IL20RB: variants seen among roughly 807,000 people sequenced by gnomAD.
The protein encoded by IL20RB is interleukin 20 receptor subunit beta.
In IL20RB, 21 loss-of-function variants were observed where a neutral mutation model predicts 33.3. The ratio of observed to expected loss-of-function variants is 0.63; its 90% CI spans 0.45 to 0.91. IL20RB has a LOEUF of 0.91. Among genes scored for constraint, IL20RB ranks in the 40% least tolerant of loss-of-function variants. The pLI is 0.00. For synonymous variants in IL20RB, 147 were observed against 146.8 expected (o/e 1.00, Z -0.01); for missense variants, 345 against 384.8 (o/e 0.90, Z 0.86).
chr3:136,958,806 A>G (rs1490151532), intron 1 of IL20RB, among the ~76,000 whole-genome samples: 2 of 152,192 alleles, frequency 1.3e-5, no homozygotes, highest in Non-Finnish European at 2.9e-5. Flanking sequence ...GGAACTCTGT[A>G]GCCTTTGATG....
intron 4 of IL20RB, among the ~76,000 whole-genome samples, chr3:136,990,277 A>G (rs1942005403): frequency 6.6e-6 from 1 of 152,126 alleles, no homozygotes; most frequent in Non-Finnish European, 1.5e-5. Flanking sequence ...CAGGCAGCAC[A>G]AGCAAAGATA....
chr3:136,973,989 C>T (rs868636662), intron 1 of IL20RB, among the ~76,000 whole-genome samples: 19 of 151,800 alleles, frequency 1.3e-4, no homozygotes, highest in African/African-American at 2.4e-4. Context: ...AGCATATAGT[C>T]GGAACTTTTT....
intron 3 of IL20RB, among the ~76,000 whole-genome samples, chr3:136,983,373 C>T (rs1941828264): frequency 6.6e-6 from 1 of 152,168 alleles, no homozygotes; most frequent in African/African-American, 2.4e-5. Flanking sequence ...CAGGCATGAG[C>T]CATGGCGCCC....
chr3:137,003,362 G>C (rs1407087207), intron 6 of IL20RB, among the ~76,000 whole-genome samples: 1 of 152,170 alleles, frequency 6.6e-6, no homozygotes, highest in Non-Finnish European at 1.5e-5. Flanking sequence ...ACTTTGGGCA[G>C]TATGGCCATT....
intron 1 of IL20RB, among the ~76,000 whole-genome samples, chr3:136,963,244 C>T (rs1941272854): frequency 6.6e-6 from 1 of 152,148 alleles, no homozygotes; most frequent in East Asian, 1.9e-4. Context: ...TCCAGCTTGA[C>T]TGTGAATATT....
At chr3:136,989,419 T>C (rs775927559) in intron 3 of IL20RB, 22 bp from the exon 4 acceptor site, 1 of 1,613,024 alleles carries the variant, frequency 6.2e-7, no homozygotes, top group Non-Finnish European at 8.5e-7. Context: ...TGGCTTTGAC[T>C]CTCCTGTTGT....
At chr3:136,976,855 T>G (rs968461952) in intron 1 of IL20RB, among the ~76,000 whole-genome samples, 8 of 152,200 alleles carry the variant, frequency 5.3e-5, no homozygotes, top group African/African-American at 1.9e-4. Context: ...GGGACAATTT[T>G]GTCCCCCAAT....
chr3:136,989,696 A>G (rs1388070906), intron 4 of IL20RB, 131 bp downstream of exon 4: 9 of 952,744 alleles, frequency 9.4e-6, no homozygotes, highest in African/African-American at 3.3e-5. Context: ...GAAGTGTGCA[A>G]AAGATGAGTA....
intron 1 of IL20RB, among the ~76,000 whole-genome samples, chr3:136,961,982 A>G (rs1012232911): frequency 2.6e-5 from 4 of 152,220 alleles, no homozygotes; most frequent in African/African-American, 9.6e-5. Flanking sequence ...ATAAAATAAC[A>G]ATAGTGTTGG....
At chr3:136,971,739 A>G (rs995220854) in intron 1 of IL20RB, among the ~76,000 whole-genome samples, 2 of 152,122 alleles carry the variant, frequency 1.3e-5, no homozygotes, top group East Asian at 3.8e-4. Context: ...TCATCCACTG[A>G]TGGACACTTA....
chr3:136,978,764 A>G (rs557187227), intron 1 of IL20RB, among the ~76,000 whole-genome samples: 60 of 152,236 alleles, frequency 3.9e-4, no homozygotes, highest in African/African-American at 1.3e-3. Flanking sequence ...TGATTTTGGT[A>G]TCATGGTAAT....
chr3:136,972,916 A>G (rs139173872), intron 1 of IL20RB, among the ~76,000 whole-genome samples: 64 of 151,938 alleles, frequency 4.2e-4, no homozygotes, highest in African/African-American at 1.5e-3. Context: ...TACTTTTTCA[A>G]TGTAAGCATT....
rs1010913200 is a variant in IL20RB at position 137,010,220 on chromosome 3, A to G, written c.933A>G (p.Ser311=). 6.8e-7 allele frequency: 1 copy of G among 1,468,934 alleles called. No homozygotes were observed. Among genetic ancestry groups the G allele is most frequent in the Non-Finnish European group, 9.5e-7 (1 of 1,047,736 alleles). 91.0% of individuals were successfully genotyped at this position (1,468,934 alleles called of 1,614,324 possible). The change falls in exon 7 of 7, where the codon TCA becomes TCG. Residue 311 remains serine (S), a synonymous_variant. Transcript: ENST00000329582. ...SPEELLRAWI[S] is the part of the protein sequence containing the mutation. ...AGGAACTCCTCAGGGCCTGGATCTC[A>G]TAGGTTTGCGGAAGGGCCCAGGTGA... is the stretch of plus-strand genomic sequence containing the variant.
chr3:136,967,317 A>T (rs1478243463), intron 1 of IL20RB, among the ~76,000 whole-genome samples: 2 of 128,272 alleles, frequency 1.6e-5, no homozygotes, highest in African/African-American at 3.0e-5. Context: ...CCCATTATTA[A>T]TGTGTGGGAG....
chr3:136,989,377 T>C lies in IL20RB; in HGVS notation c.407-64T>C, dbSNP rs974847919. ...ATATTTCCATACATGACCCGGTCATTGTGTTCCAGGGAAATCAACCCTGTC... is the reference window on the plus strand; with the variant it reads ...ATATTTCCATACATGACCCGGTCATCGTGTTCCAGGGAAATCAACCCTGTC... On this transcript the variant is annotated intron_variant, in intron 3 of 6. Coordinates refer to ENST00000329582, the MANE Select transcript of IL20RB (RefSeq NM_144717.4). 11 of 1,595,242 alleles carry C rather than the reference T, an allele frequency of 6.9e-6. No individual in the cohort carries two copies. In the African/African-American group the frequency reaches 1.5e-4, roughly 21 times the overall value.
intron 5 of IL20RB, among the ~76,000 whole-genome samples, chr3:136,994,376 T>C (rs1942087467): frequency 6.6e-6 from 1 of 152,168 alleles, no homozygotes; most frequent in South Asian, 2.1e-4. Context: ...TATCAAAACA[T>C]CTCATGTACC....
intron 6 of IL20RB, 42 bp downstream of exon 6, chr3:136,995,598 C>A: frequency 6.2e-7 from 1 of 1,602,278 alleles, no homozygotes; most frequent in Non-Finnish European, 8.5e-7. Context: ...TAACACTGAC[C>A]AGATGTAGTT....
At chr3:137,006,142 T>C (rs567801494) in intron 6 of IL20RB, among the ~76,000 whole-genome samples, 8 of 152,386 alleles carry the variant, frequency 5.2e-5, no homozygotes, top group African/African-American at 1.9e-4. Context: ...CTGCTGTTAG[T>C]CTGATGGGCT....
At chr3:136,993,276 C>T (rs553065143) in intron 5 of IL20RB, among the ~76,000 whole-genome samples, 4 of 152,238 alleles carry the variant, frequency 2.6e-5, no homozygotes, top group African/African-American at 4.8e-5. Flanking sequence ...GTGAGTCTGG[C>T]GTTTAATCTT....
Sources: allele counts gnomAD v4.1 joint callset (sites outside exome capture counted in the v4.1 genomes callset), GRCh38; gene constraint gnomAD v4.1.1; transcripts MANE v1.5; gene names NCBI Gene and HGNC (gene_info 2026-07-23, HGNC 2026-07-21).